TEDC1: variants seen among roughly 807,000 people sequenced by gnomAD.
TEDC1 encodes tubulin epsilon and delta complex protein 1.
A neutral mutation model predicts 59.9 loss-of-function variants in TEDC1; 54 were observed. The ratio of observed to expected loss-of-function variants is 0.90; its 90% confidence interval spans 0.72 to 1.13. The LOEUF (loss-of-function observed/expected upper bound fraction) is 1.13, where lower values mean the gene tolerates loss of function less well. Ranked by LOEUF, TEDC1 falls within the 50% of genes most tolerant of loss-of-function variation. The pLI, the probability that TEDC1 is intolerant of heterozygous loss-of-function variation, is 0.00. For synonymous variants in TEDC1, 353 were observed against 298.1 expected (o/e 1.18, Z -1.90); for missense variants, 734 against 683.4 (o/e 1.07, Z -0.83).
At chr14:105,490,174 C>T (rs1441778058), upstream of TEDC1, 1 of 141,216 alleles carries the variant, frequency 7.1e-6, no homozygotes, top group Non-Finnish European at 1.5e-5. Context: ...GGGGGGGCCC[C>T]GAGGCGGGGC....
At chr14:105,494,047 T>C (rs2084285273) in intron 5 of TEDC1, 114 bp downstream of exon 5, 1 of 792,618 alleles carries the variant, frequency 1.3e-6, no homozygotes, top group Non-Finnish European at 2.0e-6. Context: ...CCTCCAGCGG[T>C]GGGTGTCTCT....
Position 105,497,883 on chromosome 14 carries a change from G to T in TEDC1, c.1064G>T (p.Gly355Val), listed in dbSNP as rs1555440797. Residue 355 changes from glycine to valine, a missense_variant, in exon 8 of 9, where the codon GGT becomes GTT. By Grantham distance (109) the Gly-to-Val change is moderately radical. Coordinates refer to ENST00000392523, the MANE Select transcript of TEDC1 (RefSeq NM_001367178.1). The part of the protein sequence containing the change: ...TFLPWVPERG[G>V]GELDLVVREL... ...CTGCCCTGGGTCCCCGAGCGCGGGG[G>T]TGGCGAGTTGGACCTGGTAGTGCGG... The T allele has an allele frequency of 6.4e-7, 1 of 1,558,942 alleles. No homozygotes were observed. Among genetic ancestry groups the T allele is most frequent in the Non-Finnish European group, 8.7e-7 (1 of 1,151,530 alleles).
chr14:105,491,563 C>A (rs1555439297), intron 1 of TEDC1, 41 bp downstream of exon 1: 1 of 1,540,946 alleles, frequency 6.5e-7, no homozygotes, highest in Admixed American at 2.0e-5. Flanking sequence ...GGTGGGGTCC[C>A]GGGCCCTCGC....
At position 105,498,835 on chromosome 14, in the gene TEDC1, G is replaced by A. The variant is rs368550425; in HGVS notation, c.1377G>A (p.Glu459=). Residue 459 remains glutamate, a synonymous_variant, in exon 9 of 9, where the codon GAG becomes GAA. Transcript: ENST00000392523. ...AVVIRTLRSQ[E]ACLEAVLRRL... is the part of the protein sequence containing the mutation. ...TGATCAGGACGCTGAGGAGCCAGGAGGCCTGCCTGGAGGCGGTGCTACGTC... is the reference window on the plus strand; with the variant it reads ...TGATCAGGACGCTGAGGAGCCAGGAAGCCTGCCTGGAGGCGGTGCTACGTC... The A allele has an allele frequency of 6.2e-7, 1 of 1,609,278 alleles. No individual in the cohort carries two copies. The highest frequency in any genetic ancestry group is 8.5e-7 in the Non-Finnish European group (1 of 1,178,690).
At chr14:105,491,000 G>A (rs1191712593), upstream of TEDC1, 10 of 1,544,966 alleles carry the variant, frequency 6.5e-6, no homozygotes, top group Non-Finnish European at 8.8e-6. Context: ...GAGCCCGGAA[G>A]TGGGTCCGCA....
At chr14:105,491,849 C>T (rs2084219944) in intron 2 of TEDC1, 149 bp downstream of exon 2, 3 of 1,031,822 alleles carry the variant, frequency 2.9e-6, no homozygotes, top group Admixed American at 4.5e-5. Context: ...CCGCCTTCCC[C>T]GGTAAGCCAC....
intron 5 of TEDC1, 82 bp downstream of exon 5, chr14:105,494,015 T>TGGGGGGGG: frequency 6.3e-6 from 1 of 158,598 alleles, no homozygotes; most frequent in East Asian, 1.6e-4. Flanking sequence ...GGGAGGGGCC[T>TGGGGGGGG]GGGGGCGGGG....
Position 105,496,079 on chromosome 14 carries a change from T to C in TEDC1, c.884T>C (p.Phe295Ser). Residue 295 changes from phenylalanine (F) to serine (S), a missense_variant, in exon 6 of 9, where the codon TTT becomes TCT. Physicochemically the swap from Phe to Ser is radical, Grantham distance 155. Coordinates refer to ENST00000392523, the MANE Select transcript of TEDC1 (RefSeq NM_001367178.1). ...GASACSLLSP[F>S]RALLRTLERE... ...TCAGCCTGCAGCCTGCTCTCCCCTTTTAGGGCGGTAAGTCGGGGAGGCTGG... is the reference window on the plus strand; with the variant it reads ...TCAGCCTGCAGCCTGCTCTCCCCTTCTAGGGCGGTAAGTCGGGGAGGCTGG... The C allele has an allele frequency of 8.1e-7, 1 of 1,238,482 alleles. No individual in the cohort carries two copies. Among genetic ancestry groups the C allele is most frequent in the Non-Finnish European group, 1.0e-6 (1 of 962,928 alleles). 76.7% of individuals were successfully genotyped at this position (1,238,482 alleles called of 1,614,324 possible). A position where few individuals can be genotyped will look rare whatever the true frequency, so the allele number is the denominator to read the frequency against.
At chr14:105,494,138 C>G (rs2084287917) in intron 5 of TEDC1, 1 of 592,716 alleles carries the variant, frequency 1.7e-6, no homozygotes, top group Non-Finnish European at 3.0e-6. Flanking sequence ...GCCACTCACC[C>G]TTCCCTTCCA....
rs115066186 is a variant in TEDC1 at position 105,491,554 on chromosome 14, G to A, written c.147+32G>A. On this transcript the variant is annotated intron_variant, in intron 1 of 8. Transcript: ENST00000392523. ...CTCTCGCGGAGGGCAGGCGGGCCGG[G>A]TGGGGTCCCGGGCCCTCGCAGGGAG... 0.027 allele frequency: 41,404 copies of A among 1,534,872 alleles called. 6,163 individuals carry two copies. In the African/African-American group the frequency reaches 0.4, roughly 15 times the overall value.
At chr14:105,491,130 C>T (rs782110209), upstream of TEDC1, 1 of 1,550,962 alleles carries the variant, frequency 6.4e-7, no homozygotes, top group Non-Finnish European at 8.7e-7. Flanking sequence ...TGATTGGGTA[C>T]AGGTCTCGGG....
chr14:105,498,919 C>T lies in TEDC1; in HGVS notation c.1461C>T (p.Leu487=), dbSNP rs782070904. ...GGCTGGTGGGAGCCCGCCCTGGTCT[C>T]ATCTGGATCCCGCCACCTGGACGCT... The part of the protein sequence containing the change: ...LARLVGARPG[L]IWIPPPGR Residue 487 remains leucine, a synonymous_variant, in exon 9 of 9, where the codon CTC becomes CTT. Transcript: ENST00000392523. The T allele has an allele frequency of 1.9e-6, 3 of 1,608,094 alleles. No homozygotes were observed. The highest frequency in any genetic ancestry group is 2.5e-6 in the Non-Finnish European group (3 of 1,177,534).
rs373402464 is a variant in TEDC1 at position 105,491,697 on chromosome 14, C to T, written c.223C>T (p.Leu75=). 1 of 1,548,320 alleles carries T rather than the reference C, an allele frequency of 6.5e-7. No individual in the cohort carries two copies. Among genetic ancestry groups the T allele is most frequent in the African/African-American group, 1.4e-5 (1 of 73,162 alleles). Residue 75 remains leucine, a synonymous_variant, in exon 2 of 9, where the codon CTG becomes TTG. Transcript: ENST00000392523. ...GGGCAACGCCTTGGCATCGCTCGCC[C>T]TGGGTAAGCCCCGCTCCTGGCCCCG... ...PAGNALASLA[L]EVQARLVKSA...
In TEDC1 at chr14:105,499,135, G is replaced by C. The variant is rs1035081271; in HGVS notation, c.*189G>C. The C allele has an allele frequency of 6.2e-6, 4 of 647,252 alleles. No individual in the cohort carries two copies. Among genetic ancestry groups the C allele is most frequent in the Non-Finnish European group, 1.1e-5 (4 of 380,524 alleles). 40.1% of individuals were successfully genotyped at this position (647,252 alleles called of 1,614,324 possible). A position where few individuals can be genotyped will look rare whatever the true frequency, so the allele number is the denominator to read the frequency against. On this transcript the variant is annotated 3_prime_UTR_variant, in exon 9 of 9. Transcript: ENST00000392523. Reference sequence around the variant, plus strand: ...CCCAGGCCTGTGGCTAGCAGCACTGGGGACAGGAATGGCTGGTCCCTTGAG... The same window carrying C: ...CCCAGGCCTGTGGCTAGCAGCACTGCGGACAGGAATGGCTGGTCCCTTGAG...
intron 6 of TEDC1, chr14:105,497,022 CTTG>C (rs2084361858): frequency 7.0e-6 from 3 of 427,720 alleles, no homozygotes; most frequent in South Asian, 2.6e-5. Flanking sequence ...TGTCCCTGAC[CTTG>C]TTGGACTGGC....
In TEDC1 at chr14:105,491,272, C is replaced by A; in HGVS notation, c.-104C>A. The A allele has an allele frequency of 6.6e-7, 1 of 1,524,230 alleles. No individual in the cohort carries two copies. The allele number at this position is 1,524,230 out of a possible 1,614,324, so 94.4% of individuals were successfully genotyped here. On this transcript the variant is annotated 5_prime_UTR_variant, in exon 1 of 9. Coordinates refer to ENST00000392523, the MANE Select transcript of TEDC1 (RefSeq NM_001367178.1). ...GGTTCCAGCCGGAGCGGTAACTGGG[C>A]GCAGGTCCCAGCCGCCGCACTAAAC... is the stretch of plus-strand genomic sequence containing the variant.
chr14:105,498,543 G>A, intron 8 of TEDC1, 74 bp from the exon 9 acceptor site: 1 of 1,423,514 alleles, frequency 7.0e-7, no homozygotes. Flanking sequence ...CTGAGTCTGG[G>A]CTCAGGGAAT....
chr14:105,497,009 A>G, intron 6 of TEDC1: 1 of 396,988 alleles, frequency 2.5e-6, no homozygotes, highest in Non-Finnish European at 4.6e-6. Context: ...AGGCACCTGG[A>G]CCTGTCCCTG....
At chr14:105,492,445 G>C in intron 3 of TEDC1, 134 bp from the exon 4 acceptor site, 1 of 1,481,248 alleles carries the variant, frequency 6.8e-7, no homozygotes, top group Non-Finnish European at 9.0e-7. Flanking sequence ...CAGCTGCCCA[G>C]CTGAAAGCAC....
Sources: gnomAD v4.1 joint callset for allele counts on GRCh38, gnomAD v4.1.1 for gene constraint, MANE v1.5 for transcripts, NCBI Gene and HGNC (gene_info 2026-07-23, HGNC 2026-07-21) for gene names.